The following MAP2K5 variants were observed in gnomAD, a reference collection of about 807,000 sequenced individuals.
The protein encoded by MAP2K5 is mitogen-activated protein kinase kinase 5.
A neutral mutation model predicts 83.1 loss-of-function variants in MAP2K5; 49 were observed. The ratio of observed to expected loss-of-function variants is 0.59; its 90% confidence interval spans 0.47 to 0.75. The LOEUF (loss-of-function observed/expected upper bound fraction) is 0.75, where lower values mean the gene tolerates loss of function less well. MAP2K5 is among the 30% of genes least tolerant of loss of function. The probability of loss-of-function intolerance (pLI) is 0.00; values close to 1 mark genes in which losing one functional copy is unlikely to be tolerated. For synonymous variants in MAP2K5, 202 were observed against 191.8 expected (o/e 1.05, Z -0.44); for missense variants, 457 against 557.5 (o/e 0.82, Z 1.82).
chr15:67,625,202 T>C (rs1341714566), intron 8 of MAP2K5, among the ~76,000 whole-genome samples: 1 of 152,240 alleles, frequency 6.6e-6, no homozygotes, highest in Non-Finnish European at 1.5e-5. Flanking sequence ...TAAGAAAGTA[T>C]GGATAGAAAG....
intron 3 of MAP2K5, among the ~76,000 whole-genome samples, chr15:67,569,028 A>AC (rs2084900884): frequency 6.6e-6 from 1 of 151,714 alleles, no homozygotes; most frequent in Non-Finnish European, 1.5e-5. Flanking sequence ...AACAAAAAAA[A>AC]AAAACAAAAC....
chr15:67,556,440 C>T (rs1021537452), intron 2 of MAP2K5, among the ~76,000 whole-genome samples: 4 of 152,108 alleles, frequency 2.6e-5, no homozygotes, highest in Non-Finnish European at 5.9e-5. Flanking sequence ...AGGTTAGACA[C>T]ACACACACAG....
chr15:67,545,702 G>A (rs2084375426), intron 1 of MAP2K5, among the ~76,000 whole-genome samples: 1 of 152,180 alleles, frequency 6.6e-6, no homozygotes, highest in Non-Finnish European at 1.5e-5. Flanking sequence ...TAACTTGCAA[G>A]TTGTACTACT....
intron 17 of MAP2K5, among the ~76,000 whole-genome samples, chr15:67,742,111 G>T (rs914904807): frequency 1.3e-5 from 2 of 152,074 alleles, no homozygotes; most frequent in Non-Finnish European, 2.9e-5. Context: ...AGCCAGGATG[G>T]TCATGATCTG....
intron 7 of MAP2K5, among the ~76,000 whole-genome samples, chr15:67,599,692 T>TTTC (rs1016317141): frequency 2.0e-5 from 3 of 151,922 alleles, no homozygotes; most frequent in Non-Finnish European, 4.4e-5. Flanking sequence ...TTGATTTTTT[T>TTTC]TTTTTTCAGG....
chr15:67,596,123 A>G (rs1457356868), intron 7 of MAP2K5, among the ~76,000 whole-genome samples: 1 of 152,192 alleles, frequency 6.6e-6, no homozygotes, highest in Non-Finnish European at 1.5e-5. Flanking sequence ...GATAACTTCA[A>G]AAAGCCTCTA....
rs1272619168 is a variant in MAP2K5, at chr15:67,573,410, CGG to C, written c.253-7342_253-7341del. On this transcript the variant is annotated intron_variant, in intron 3 of 21. Coordinates refer to ENST00000178640, the MANE Select transcript of MAP2K5 (RefSeq NM_145160.3). This position sits in a 1 kb window ranked among gnomAD's most constrained non-coding sequence, Gnocchi z 4.2. ...AGAGACAGTTGGGTAGAGGGTGGGG[CGG>C]GAGTTGCCACACACTTTTAAACCAT... Among the ~76,000 whole-genome samples, 1 of 151,966 alleles carries C rather than the reference CGG, an allele frequency of 6.6e-6. No homozygotes were observed. Among genetic ancestry groups the C allele is most frequent in the Non-Finnish European group, 1.5e-5 (1 of 67,990 alleles).
chr15:67,596,523 A>G (rs1200195067), intron 7 of MAP2K5, among the ~76,000 whole-genome samples: 1 of 152,248 alleles, frequency 6.6e-6, no homozygotes, highest in African/African-American at 2.4e-5. Context: ...TATCATTACT[A>G]GTATATGTAA....
At chr15:67,606,305 T>C (rs1381299718) in intron 8 of MAP2K5, among the ~76,000 whole-genome samples, 1 of 152,218 alleles carries the variant, frequency 6.6e-6, no homozygotes, top group Admixed American at 6.5e-5. Context: ...TGGGGCCAGA[T>C]AATCTAGTCT....
Position 67,748,432 on chromosome 15 carries a change from T to G in MAP2K5, c.1102-137T>G, listed in dbSNP as rs2089651180. ...TAGAAATAATAGAACCTCCTGAGCA[T>G]CAATGTTTTTATAAGAGTTTGCTGT... On this transcript the variant is annotated intron_variant, in intron 18 of 21. Coordinates refer to ENST00000178640, the MANE Select transcript of MAP2K5 (RefSeq NM_145160.3). The surrounding 1 kb of genome is among the most constrained non-coding windows in gnomAD (Gnocchi z 4.0). 1.2e-6 allele frequency: 1 copy of G among 840,272 alleles called. No individual in the cohort carries two copies. The highest frequency in any genetic ancestry group is 1.7e-5 in the African/African-American group (1 of 58,596). 52.1% of individuals were successfully genotyped at this position (840,272 alleles called of 1,614,324 possible). A position where few individuals can be genotyped will look rare whatever the true frequency, so the allele number is the denominator to read the frequency against.
chr15:67,706,497 A>C (rs778405880), intron 16 of MAP2K5, among the ~76,000 whole-genome samples: 7 of 152,276 alleles, frequency 4.6e-5, no homozygotes, highest in Non-Finnish European at 8.8e-5. Flanking sequence ...GGCCAGGAAG[A>C]GCTAGGCCTT....
At position 67,794,763 on chromosome 15, in the gene MAP2K5, G is replaced by T. The variant is rs2090576663; in HGVS notation, c.1243-11883G>T. 6.6e-6 allele frequency among the ~76,000 whole-genome samples: 1 copy of T among 152,080 alleles called. No homozygotes were observed. Among genetic ancestry groups the T allele is most frequent in the Non-Finnish European group, 1.5e-5 (1 of 68,018 alleles). On this transcript the variant is annotated intron_variant, in intron 21 of 21. Coordinates refer to ENST00000178640, the MANE Select transcript of MAP2K5 (RefSeq NM_145160.3). The surrounding 1 kb of genome is among the most constrained non-coding windows in gnomAD (Gnocchi z 4.6). ...TGTATTTTTTGTTGATTTGATAGCA[G>T]CAAAAATTTTCCACTTTGGCTCAGT...
chr15:67,549,061 A>G (rs2084454758), intron 1 of MAP2K5: 1 of 1,520,546 alleles, frequency 6.6e-7, no homozygotes, highest in Non-Finnish European at 8.8e-7. Context: ...GCTGAGAAAT[A>G]CTGCGAGCGG....
At position 67,692,015 on chromosome 15, in the gene MAP2K5, G is replaced by A. The variant is rs139651814; in HGVS notation, c.848-464G>A. On this transcript the variant is annotated intron_variant, in intron 13 of 21. Transcript: ENST00000178640. Reference sequence around the variant, plus strand: ...TTCATTCAAATATGACCTGTTACCCGTAGCATATGAATGCTTTTTCCTTGT... The same window carrying A: ...TTCATTCAAATATGACCTGTTACCCATAGCATATGAATGCTTTTTCCTTGT... 3.9e-5 allele frequency among the ~76,000 whole-genome samples: 6 copies of A among 152,234 alleles called. No individual in the cohort carries two copies. In the East Asian group the frequency reaches 5.8e-4, roughly 15 times the overall value.
In MAP2K5 at chr15:67,724,264, T is replaced by C. The variant is rs1372263659; in HGVS notation, c.1045-3652T>C. Among the ~76,000 whole-genome samples, 3 of 152,198 alleles carry C rather than the reference T, an allele frequency of 2.0e-5. No individual in the cohort carries two copies. Among genetic ancestry groups the C allele is most frequent in the African/African-American group, 7.2e-5 (3 of 41,452 alleles). Reference sequence around the variant, plus strand: ...TTAATAGACCAGTAGGGGTAAAAGATACAGAATGGCCCCAGGTCTGCCTGT... The same window carrying C: ...TTAATAGACCAGTAGGGGTAAAAGACACAGAATGGCCCCAGGTCTGCCTGT... On this transcript the variant is annotated intron_variant, in intron 16 of 21. Transcript: ENST00000178640. This position sits in a 1 kb window ranked among gnomAD's most constrained non-coding sequence, Gnocchi z 4.4.
At chr15:67,566,999 G>T (rs183606370) in intron 3 of MAP2K5, among the ~76,000 whole-genome samples, 2 of 152,276 alleles carry the variant, frequency 1.3e-5, no homozygotes, top group East Asian at 3.9e-4. Context: ...ACCAAAGTCT[G>T]TTGTCACACA....
chr15:67,771,740 A>G (rs1209435691), intron 20 of MAP2K5, among the ~76,000 whole-genome samples: 1 of 152,212 alleles, frequency 6.6e-6, no homozygotes, highest in East Asian at 1.9e-4. Context: ...TTGTTTACCA[A>G]ATGATCATTA....
rs1054343675 is a variant in MAP2K5 at position 67,758,801 on chromosome 15, T to A, written c.1134+10200T>A. ...CTATTTTACAGACAAGGAAACTGAG[T>A]GACAATCAAAGGGTAAGGTTCCTTA... On this transcript the variant is annotated intron_variant, in intron 19 of 21. Coordinates refer to ENST00000178640, the MANE Select transcript of MAP2K5 (RefSeq NM_145160.3). This position sits in a 1 kb window ranked among gnomAD's most constrained non-coding sequence, Gnocchi z 4.7. Among the ~76,000 whole-genome samples, 1 of 152,174 alleles carries A rather than the reference T, an allele frequency of 6.6e-6. No individual in the cohort carries two copies. Among genetic ancestry groups the A allele is most frequent in the African/African-American group, 2.4e-5 (1 of 41,432 alleles).
chr15:67,629,609 G>A (rs1336610411), intron 8 of MAP2K5, among the ~76,000 whole-genome samples: 1 of 152,034 alleles, frequency 6.6e-6, no homozygotes, highest in African/African-American at 2.4e-5. Flanking sequence ...CATTAAATAT[G>A]TTTTACAACT....
Sources: gnomAD v4.1 joint callset for allele counts (sites outside exome capture counted in the v4.1 genomes callset) on GRCh38, gnomAD v4.1.1 for gene constraint, Gnocchi (gnomAD v3.1) non-coding constraint, MANE v1.5 for transcripts, NCBI Gene and HGNC (gene_info 2026-07-23, HGNC 2026-07-21) for gene names.